Variants in COX7B2 observed in about 807,000 individuals in gnomAD.
COX7B2 encodes the protein cytochrome c oxidase subunit 7B2.
For synonymous variants in COX7B2, 37 were observed against 32.1 expected (o/e 1.15, Z -0.51); for missense variants, 109 against 95.9 (o/e 1.14, Z -0.57).
intron 2 of COX7B2, among the ~76,000 whole-genome samples, chr4:46,740,453 C>T (rs974245203): frequency 2.0e-5 from 3 of 151,940 alleles, no homozygotes; most frequent in Non-Finnish European, 4.4e-5. Context: ...TTCAAGTTTA[C>T]CCATATGTAA....
intron 1 of COX7B2, among the ~76,000 whole-genome samples, chr4:46,867,269 C>T (rs1188654308): frequency 6.6e-6 from 1 of 152,150 alleles, no homozygotes; most frequent in Non-Finnish European, 1.5e-5. Context: ...AGATGGACCT[C>T]CACTCTTCTA....
At chr4:46,889,148 A>G (rs187138913) in intron 1 of COX7B2, among the ~76,000 whole-genome samples, 22 of 152,316 alleles carry the variant, frequency 1.4e-4, no homozygotes, top group Non-Finnish European at 2.2e-4. Flanking sequence ...ATAATGATAA[A>G]TTTAAAAAAA....
At chr4:46,898,617 G>A (rs565862803) in intron 1 of COX7B2, among the ~76,000 whole-genome samples, 84 of 152,004 alleles carry the variant, frequency 5.5e-4, no homozygotes, top group Non-Finnish European at 1.0e-3. Flanking sequence ...TAGAGGCGGG[G>A]TCTTGCTGTG....
At chr4:46,759,580 C>T (rs1298326319) in intron 2 of COX7B2, among the ~76,000 whole-genome samples, 1 of 151,742 alleles carries the variant, frequency 6.6e-6, no homozygotes, top group Non-Finnish European at 1.5e-5. Flanking sequence ...ATGCGGCCAA[C>T]AAACATATGA....
chr4:46,903,338 ATG>A (rs1720180428), intron 1 of COX7B2, among the ~76,000 whole-genome samples: 1 of 152,212 alleles, frequency 6.6e-6, no homozygotes, highest in South Asian at 2.1e-4. Flanking sequence ...GCATACAGTC[ATG>A]TGCCACATAA....
chr4:46,765,375 G>A (rs1716468952), intron 2 of COX7B2, among the ~76,000 whole-genome samples: 3 of 152,178 alleles, frequency 2.0e-5, no homozygotes, highest in Non-Finnish European at 4.4e-5. Flanking sequence ...CTAGCAGCAT[G>A]TGTACGCCAG....
chr4:46,741,905 A>G (rs1714739433), intron 2 of COX7B2, among the ~76,000 whole-genome samples: 1 of 152,268 alleles, frequency 6.6e-6, no homozygotes, highest in African/African-American at 2.4e-5. Flanking sequence ...TTTTATCATC[A>G]GAAATATTTA....
At chr4:46,872,239 CAT>C (rs1718038233) in intron 1 of COX7B2, among the ~76,000 whole-genome samples, 1 of 152,116 alleles carries the variant, frequency 6.6e-6, no homozygotes. Context: ...CCAAATACTA[CAT>C]GTTATCACTT....
intron 2 of COX7B2, among the ~76,000 whole-genome samples, chr4:46,816,549 A>G (rs1294344435): frequency 6.6e-6 from 1 of 152,200 alleles, no homozygotes; most frequent in Non-Finnish European, 1.5e-5. Flanking sequence ...TCATAAAATT[A>G]TAATTTGTCT....
intron 2 of COX7B2, among the ~76,000 whole-genome samples, chr4:46,743,895 G>A (rs1489950424): frequency 6.6e-6 from 1 of 152,268 alleles, no homozygotes; most frequent in Non-Finnish European, 1.5e-5. Flanking sequence ...ATGGATCCAG[G>A]AGGCATCTCA....
intron 1 of COX7B2, among the ~76,000 whole-genome samples, chr4:46,860,848 C>A (rs1272998982): frequency 6.6e-6 from 1 of 152,118 alleles, no homozygotes; most frequent in Admixed American, 6.5e-5. Flanking sequence ...TGTGAGGGGA[C>A]CCTGAGACAT....
At chr4:46,746,120 TAAAA>T (rs1047408758) in intron 2 of COX7B2, among the ~76,000 whole-genome samples, 14 of 152,288 alleles carry the variant, frequency 9.2e-5, no homozygotes, top group African/African-American at 3.4e-4. Context: ...ATTCATCAAA[TAAAA>T]AACCATCAGA....
intron 2 of COX7B2, among the ~76,000 whole-genome samples, chr4:46,826,289 T>C (rs757278643): frequency 3.9e-5 from 6 of 152,142 alleles, no homozygotes; most frequent in Non-Finnish European, 8.8e-5. Flanking sequence ...TATTCATCAT[T>C]AGAGAAATGC....
chr4:46,874,818 A>G (rs1015773659), intron 1 of COX7B2, among the ~76,000 whole-genome samples: 3 of 152,170 alleles, frequency 2.0e-5, no homozygotes, highest in African/African-American at 7.2e-5. Context: ...AGACTGACAC[A>G]TGCAAATCTA....
chr4:46,751,521 A>G (rs1715377058), intron 2 of COX7B2, among the ~76,000 whole-genome samples: 1 of 152,156 alleles, frequency 6.6e-6, no homozygotes, highest in African/African-American at 2.4e-5. Context: ...GTACATATTG[A>G]AATAGTGGAG....
chr4:46,779,405 T>C (rs1717322182), intron 2 of COX7B2, among the ~76,000 whole-genome samples: 1 of 152,218 alleles, frequency 6.6e-6, no homozygotes, highest in African/African-American at 2.4e-5. Context: ...TATGTCTACA[T>C]TTTATCCAGT....
At chr4:46,787,426 A>C (rs2109573020) in intron 2 of COX7B2, among the ~76,000 whole-genome samples, 1 of 152,290 alleles carries the variant, frequency 6.6e-6, no homozygotes, top group African/African-American at 2.4e-5. Context: ...CAGCCTGGAC[A>C]ACAAGAGTGA....
Position 46,824,206 on chromosome 4 carries a change from C to T in COX7B2, c.-50+20754G>A, listed in dbSNP as rs143710440. On this transcript the variant is annotated intron_variant, in intron 2 of 2. Coordinates refer to ENST00000355591, the MANE Select transcript of COX7B2 (RefSeq NM_130902.3). Reference sequence around the variant, plus strand: ...TACCATTACCAAAAAAAGCCCAGGACCTGATGGATTCACGGTCAAATTCTA... The same window carrying T: ...TACCATTACCAAAAAAAGCCCAGGATCTGATGGATTCACGGTCAAATTCTA... Among the ~76,000 whole-genome samples, 603 of 152,190 alleles carry T rather than the reference C, an allele frequency of 4.0e-3. 2 individuals are homozygous for T. The highest frequency in any genetic ancestry group is 6.8e-3 in the Middle Eastern group (2 of 294).
chr4:46,813,451 C>G (rs1719388047), intron 2 of COX7B2, among the ~76,000 whole-genome samples: 1 of 152,046 alleles, frequency 6.6e-6, no homozygotes. Context: ...CAGATTATAT[C>G]AAATGAAAAA....
Sources: allele counts gnomAD v4.1 joint callset (sites outside exome capture counted in the v4.1 genomes callset), GRCh38; gene constraint gnomAD v4.1.1; transcripts MANE v1.5; gene names NCBI Gene and HGNC (gene_info 2026-07-23, HGNC 2026-07-21).